The following ATP5MC2 variants were observed in gnomAD, a reference collection of about 807,000 sequenced individuals.
The protein encoded by ATP5MC2 is ATP synthase F(0) complex subunit C2, mitochondrial.
Under a neutral mutation model 13.5 loss-of-function variants are expected in ATP5MC2, and 11 were observed. That is an observed-to-expected ratio of 0.81 (90% CI 0.51 to 1.35). The LOEUF is 1.35. Among genes scored for constraint, ATP5MC2 ranks in the 40% most tolerant of loss-of-function variants. The pLI is 0.00. For missense variants in ATP5MC2, 132 were observed against 175.0 expected, an observed-to-expected ratio of 0.75 and a Z score of 1.39; for synonymous variants, 64 against 69.7, an observed-to-expected ratio of 0.92 and a Z score of 0.41.
At chr12:53,677,479 G>C (rs566985192), upstream of ATP5MC2, 1 of 152,252 alleles carries the variant, frequency 6.6e-6, no homozygotes, top group African/African-American at 2.4e-5. Context: ...TTGCAGGCGG[G>C]CGGCAGAGGG....
chr12:53,671,646 G>A (rs1398808585), intron 2 of ATP5MC2, among the ~76,000 whole-genome samples: 2 of 152,156 alleles, frequency 1.3e-5, no homozygotes, highest in Non-Finnish European at 2.9e-5. Flanking sequence ...TGGATGGCCA[G>A]CTTACACGAC....
At chr12:53,675,711 G>A (rs943789021) in intron 1 of ATP5MC2, among the ~76,000 whole-genome samples, 2 of 152,226 alleles carry the variant, frequency 1.3e-5, no homozygotes, top group African/African-American at 2.4e-5. Context: ...TAGGAGGGGA[G>A]AGCCTGGGGG....
chr12:53,676,615 T>G (rs1945284705), upstream of ATP5MC2: 2 of 190,482 alleles, frequency 1.0e-5, no homozygotes, highest in South Asian at 8.6e-5. Flanking sequence ...CCACTCCCCG[T>G]TTCCTCCTTT....
Position 53,669,472 on chromosome 12 carries a change from T to G in ATP5MC2, c.118-131A>C, listed in dbSNP as rs1304100972. The G allele has an allele frequency of 2.8e-6, 4 of 1,433,144 alleles. No homozygotes were observed. The African/African-American group carries it at 4.3e-5, about 15-fold the overall frequency. The allele number at this position is 1,433,144 out of a possible 1,614,324, so 88.8% of individuals were successfully genotyped here. A position where few individuals can be genotyped will look rare whatever the true frequency, so the allele number is the denominator to read the frequency against. On this transcript the variant is annotated intron_variant, in intron 3 of 4. Transcript: ENST00000394349. ...AAAATTGTTTAACGCCCTAAAATGC[T>G]GGCAAGTAGAACCTTTTAACGTAGG...
intron 1 of ATP5MC2, 47 bp downstream of exon 1, chr12:53,676,006 C>T (rs1452683569): frequency 6.3e-7 from 1 of 1,597,384 alleles, no homozygotes. Context: ...TGAGGTGTCC[C>T]GCGCGCGTGC....
At chr12:53,665,955 G>T (rs10876478) in intron 4 of ATP5MC2, among the ~76,000 whole-genome samples, 52 of 152,208 alleles carry the variant, frequency 3.4e-4, no homozygotes, top group African/African-American at 1.2e-3. Context: ...GAAGACAAGA[G>T]TAAGAGGGAC....
At chr12:53,675,701 T>C (rs1945241979) in intron 1 of ATP5MC2, among the ~76,000 whole-genome samples, 1 of 151,984 alleles carries the variant, frequency 6.6e-6, no homozygotes, top group Non-Finnish European at 1.5e-5. Flanking sequence ...AAAGCAGAGA[T>C]AGGAGGGGAG....
intron 2 of ATP5MC2, among the ~76,000 whole-genome samples, chr12:53,671,350 T>C (rs909894699): frequency 1.3e-5 from 2 of 152,246 alleles, no homozygotes; most frequent in South Asian, 4.1e-4. Flanking sequence ...GTATACCAAT[T>C]AGTAAACTCA....
chr12:53,675,738 G>C (rs919862384), intron 1 of ATP5MC2, among the ~76,000 whole-genome samples: 9 of 152,210 alleles, frequency 5.9e-5, no homozygotes, highest in Non-Finnish European at 1.3e-4. Flanking sequence ...CAATCTGAAA[G>C]GGCCAGAGGG....
At chr12:53,669,999 A>C (rs181068632) in intron 2 of ATP5MC2, 51 bp from the exon 3 acceptor site, 1 of 1,564,864 alleles carries the variant, frequency 6.4e-7, no homozygotes, top group Admixed American at 1.7e-5. Flanking sequence ...ACTGGAGAGG[A>C]GTTTCAGAAC....
At chr12:53,679,251 GA>G (rs1176995768), upstream of ATP5MC2, among the ~76,000 whole-genome samples, 1 of 150,128 alleles carries the variant, frequency 6.7e-6, no homozygotes, top group Non-Finnish European at 1.5e-5. Context: ...GAGAGAGAGA[GA>G]GAGAGAGAGA....
At chr12:53,667,258 A>C (rs547201791) in intron 4 of ATP5MC2, among the ~76,000 whole-genome samples, 1 of 152,274 alleles carries the variant, frequency 6.6e-6, no homozygotes, top group South Asian at 2.1e-4. Context: ...TGGGAGTACT[A>C]AACAGTCCCA....
chr12:53,670,018 G>A (rs568994833), intron 2 of ATP5MC2, 70 bp from the exon 3 acceptor site: 76 of 1,394,008 alleles, frequency 5.5e-5, no homozygotes, highest in South Asian at 2.1e-4. Context: ...ACTATGCCAC[G>A]TTGTTACATC....
intron 2 of ATP5MC2, 33 bp from the exon 3 acceptor site, chr12:53,669,981 C>G: frequency 6.2e-7 from 1 of 1,605,778 alleles, no homozygotes; most frequent in Non-Finnish European, 8.5e-7. Context: ...GCAGGAAGGT[C>G]AAGGAAGACT....
upstream of ATP5MC2, among the ~76,000 whole-genome samples, chr12:53,679,498 T>C (rs1945329825): frequency 6.6e-6 from 1 of 152,234 alleles, no homozygotes; most frequent in African/African-American, 2.4e-5. Flanking sequence ...GTTGAATAAC[T>C]ATGCTAGTTA....
upstream of ATP5MC2, chr12:53,676,852 T>G (rs1260963831): frequency 6.8e-6 from 1 of 147,714 alleles, no homozygotes; most frequent in Non-Finnish European, 1.5e-5. Context: ...CCCCATGCTC[T>G]CCTGAACGTG....
intron 4 of ATP5MC2, among the ~76,000 whole-genome samples, chr12:53,667,942 C>T (rs1186703288): frequency 1.3e-5 from 1 of 78,682 alleles, no homozygotes; most frequent in Non-Finnish European, 2.4e-5. Context: ...CTAATACATA[C>T]ATACATACAC....
intron 1 of ATP5MC2, among the ~76,000 whole-genome samples, chr12:53,674,922 G>A (rs1945221052): frequency 6.6e-6 from 1 of 152,174 alleles, no homozygotes; most frequent in Non-Finnish European, 1.5e-5. Flanking sequence ...CTTTTCTAAG[G>A]GAATTATACC....
chr12:53,679,240 A>C (rs1945327215), upstream of ATP5MC2, among the ~76,000 whole-genome samples: 2 of 38,256 alleles, frequency 5.2e-5, no homozygotes, highest in South Asian at 6.7e-4. Flanking sequence ...TTTAAAAACG[A>C]GAGAGAGAGA....
Sources: gnomAD v4.1 joint callset for allele counts (sites outside exome capture counted in the v4.1 genomes callset) on GRCh38, gnomAD v4.1.1 for gene constraint, MANE v1.5 for transcripts, NCBI Gene and HGNC (gene_info 2026-07-23, HGNC 2026-07-21) for gene names.